The following RNF150 variants were observed in gnomAD, a reference collection of about 807,000 sequenced individuals.
RNF150 encodes the protein ring finger protein 150.
RNF150 carries 24 observed loss-of-function variants against 39.3 expected under a neutral mutation model. The observed-to-expected ratio is 0.61, with a 90% confidence interval of 0.44 to 0.86. The LOEUF is 0.86. Among genes scored for constraint, RNF150 ranks in the 40% least tolerant of loss-of-function variants. The pLI is 0.00. For synonymous variants in RNF150, 255 were observed against 227.3 expected (o/e 1.12, Z -1.10); for missense variants, 502 against 587.8 (o/e 0.85, Z 1.51).
chr4:141,037,472 A>T (rs1005099376), intron 1 of RNF150, among the ~76,000 whole-genome samples: 10 of 152,218 alleles, frequency 6.6e-5, no homozygotes, highest in African/African-American at 2.4e-4. Flanking sequence ...AGCTGTTGAG[A>T]ATATTAAATC....
intron 1 of RNF150, among the ~76,000 whole-genome samples, chr4:141,089,242 C>A (rs1233982303): frequency 1.4e-5 from 2 of 144,158 alleles, no homozygotes; most frequent in Non-Finnish European, 3.0e-5. Context: ...GCTCTGTCTG[C>A]CTCTAGGAAT....
chr4:141,044,759 C>T lies in RNF150; in HGVS notation c.485-76886G>A, dbSNP rs560521179. On this transcript the variant is annotated intron_variant, in intron 1 of 6. Coordinates refer to ENST00000515673, the MANE Select transcript of RNF150 (RefSeq NM_020724.2). ...TGTTGGAGTAAAGAGCTCATGCATG[C>T]GGGTGTGCAGCGCACACACACACGC... Among the ~76,000 whole-genome samples, 26 of 135,022 alleles carry T rather than the reference C, an allele frequency of 1.9e-4. 1 individual carries two copies. The highest frequency in any genetic ancestry group is 1.1e-3 in the South Asian group (5 of 4,400). 88.6% of individuals were successfully genotyped at this position (135,022 alleles called of 152,430 possible).
chr4:140,977,435 G>C (rs1309744309), intron 1 of RNF150, among the ~76,000 whole-genome samples: 1 of 152,072 alleles, frequency 6.6e-6, no homozygotes, highest in Non-Finnish European at 1.5e-5. Flanking sequence ...TCCATGAGAC[G>C]AAAATTCCAA....
intron 1 of RNF150, among the ~76,000 whole-genome samples, chr4:141,067,711 A>T (rs568028749): frequency 6.6e-6 from 1 of 152,304 alleles, no homozygotes; most frequent in East Asian, 1.9e-4. Flanking sequence ...ACTATAAATT[A>T]CTAAAAGGTG....
chr4:141,085,445 GA>G (rs967750639), intron 1 of RNF150, among the ~76,000 whole-genome samples: 2 of 152,162 alleles, frequency 1.3e-5, no homozygotes, highest in Non-Finnish European at 2.9e-5. Flanking sequence ...ACAATACAGA[GA>G]GGCCACATAG....
chr4:141,013,195 T>C (rs1328769220), intron 1 of RNF150, among the ~76,000 whole-genome samples: 1 of 152,188 alleles, frequency 6.6e-6, no homozygotes, highest in Non-Finnish European at 1.5e-5. Flanking sequence ...TCCATATTGA[T>C]ATATTGACAG....
chr4:141,149,257 G>A (rs1210461527), intron 1 of RNF150, among the ~76,000 whole-genome samples: 1 of 151,742 alleles, frequency 6.6e-6, no homozygotes, highest in Non-Finnish European at 1.5e-5. Flanking sequence ...ATTTCAATAG[G>A]TTTTTGGGGA....
chr4:141,042,239 T>C (rs748669378), intron 1 of RNF150, among the ~76,000 whole-genome samples: 2 of 152,118 alleles, frequency 1.3e-5, no homozygotes, highest in Non-Finnish European at 2.9e-5. Context: ...CATTTGGAGA[T>C]TGTAAGTCTT....
chr4:141,169,605 A>G (rs934846273), intron 1 of RNF150, among the ~76,000 whole-genome samples: 3 of 152,186 alleles, frequency 2.0e-5, no homozygotes, highest in Non-Finnish European at 2.9e-5. Context: ...TTTAACTTTA[A>G]GGAAGTATGC....
chr4:141,022,593 T>C lies in RNF150; in HGVS notation c.485-54720A>G, dbSNP rs180783229. Among the ~76,000 whole-genome samples, 399 of 152,276 alleles carry C rather than the reference T, an allele frequency of 2.6e-3. 2 individuals are homozygous for C. Among genetic ancestry groups the C allele is most frequent in the African/African-American group, 9.0e-3 (375 of 41,566 alleles). On this transcript the variant is annotated intron_variant, in intron 1 of 6. Transcript: ENST00000515673. ...GTTAAAAACTCCAGTATAAAACAAA[T>C]ACTTTGAGCATATGGCATTTTCCTC... is the stretch of plus-strand genomic sequence containing the variant.
chr4:140,935,477 T>G lies in RNF150; in HGVS notation c.891-9404A>C, dbSNP rs556081504. Among the ~76,000 whole-genome samples, 4 of 152,254 alleles carry G rather than the reference T, an allele frequency of 2.6e-5. No homozygotes were observed. The South Asian group carries it at 8.3e-4, about 32-fold the overall frequency. On this transcript the variant is annotated intron_variant, in intron 4 of 6. Coordinates refer to ENST00000515673, the MANE Select transcript of RNF150 (RefSeq NM_020724.2). ...GGGATCAGGACATTTGAAGCCAGAA[T>G]GCCATATTTAACGAGGTTATTACAG...
chr4:140,898,892 C>G (rs1730060175), intron 6 of RNF150, among the ~76,000 whole-genome samples: 2 of 152,162 alleles, frequency 1.3e-5, no homozygotes, highest in Non-Finnish European at 2.9e-5. Flanking sequence ...CTTGTGCTGA[C>G]AGCCCTGATT....
chr4:141,067,134 G>A (rs1364569794), intron 1 of RNF150, among the ~76,000 whole-genome samples: 1 of 152,094 alleles, frequency 6.6e-6, no homozygotes, highest in African/African-American at 2.4e-5. Flanking sequence ...AATGTTATAT[G>A]GCACAGGACT....
intron 1 of RNF150, among the ~76,000 whole-genome samples, chr4:141,010,830 G>A (rs2110745937): frequency 6.6e-6 from 1 of 152,158 alleles, no homozygotes; most frequent in African/African-American, 2.4e-5. Context: ...GGAAGTCTGG[G>A]GTCCTGAGGG....
At chr4:141,000,012 A>T (rs1263708827) in intron 1 of RNF150, among the ~76,000 whole-genome samples, 1 of 27,596 alleles carries the variant, frequency 3.6e-5, no homozygotes, top group Non-Finnish European at 8.7e-5. Flanking sequence ...GAAGAAGAAG[A>T]AGAAGAAGAA....
rs1428285020 is a variant in RNF150 at position 141,078,872 on chromosome 4, CACACATATAT to C, written c.484+53443_484+53452del. 2.1e-5 allele frequency among the ~76,000 whole-genome samples: 3 copies of C among 144,134 alleles called. No homozygotes were observed. In the East Asian group the frequency reaches 6.0e-4, roughly 29 times the overall value. The allele number at this position is 144,134 out of a possible 152,430, so 94.6% of individuals were successfully genotyped here. A position where few individuals can be genotyped will look rare whatever the true frequency, so the allele number is the denominator to read the frequency against. On this transcript the variant is annotated intron_variant, in intron 1 of 6. Coordinates refer to ENST00000515673, the MANE Select transcript of RNF150 (RefSeq NM_020724.2). ...ACATACATACATACATATATATATA[CACACATATAT>C]ACACATACATATATATACACATACA...
intron 1 of RNF150, among the ~76,000 whole-genome samples, chr4:141,033,425 C>T (rs1736025938): frequency 6.6e-6 from 1 of 152,154 alleles, no homozygotes; most frequent in South Asian, 2.1e-4. Flanking sequence ...CCACTGAAGT[C>T]TTGAACCCCC....
intron 1 of RNF150, among the ~76,000 whole-genome samples, chr4:141,129,377 T>C (rs987875238): frequency 2.0e-5 from 3 of 152,236 alleles, no homozygotes; most frequent in Non-Finnish European, 4.4e-5. Context: ...CCACATATTA[T>C]ATGATTCCAT....
At chr4:140,931,692 G>A (rs550686122) in intron 4 of RNF150, among the ~76,000 whole-genome samples, 16 of 152,262 alleles carry the variant, frequency 1.1e-4, no homozygotes, top group Admixed American at 5.2e-4. Flanking sequence ...CGACAAATTG[G>A]AAATACAACA....
Sources: gnomAD v4.1 joint callset for allele counts (sites outside exome capture counted in the v4.1 genomes callset) on GRCh38, gnomAD v4.1.1 for gene constraint, MANE v1.5 for transcripts, NCBI Gene and HGNC (gene_info 2026-07-23, HGNC 2026-07-21) for gene names.